The following TBC1D22A variants were observed in gnomAD, a reference collection of about 807,000 sequenced individuals.
TBC1D22A encodes TBC1 domain family member 22A.
Under a neutral mutation model 60.2 loss-of-function variants are expected in TBC1D22A, and 38 were observed. The observed-to-expected ratio is 0.63, with a 90% CI of 0.49 to 0.83. The LOEUF (loss-of-function observed/expected upper bound fraction) is 0.83. Ranked by LOEUF, TBC1D22A falls within the 40% of genes least tolerant of loss-of-function variation. The pLI is 0.00. For synonymous variants in TBC1D22A, 302 were observed against 281.7 expected, an observed-to-expected ratio of 1.07 and a Z score of -0.72; for missense variants, 628 against 701.0, an observed-to-expected ratio of 0.90 and a Z score of 1.18.
At position 46,975,464 on chromosome 22, in the gene TBC1D22A, C is replaced by T. The variant is rs1181498583; in HGVS notation, c.1125+1065C>T. 2.6e-5 allele frequency among the ~76,000 whole-genome samples: 4 copies of T among 152,122 alleles called. 1 individual carries two copies. The highest frequency in any genetic ancestry group is 3.9e-4 in the East Asian group (2 of 5,182). On this transcript the variant is annotated intron_variant, in intron 9 of 12. Transcript: ENST00000337137. ...GAGGGACCAAACACCAAGATCATCA[C>T]GGGTGTTCGCATGTAGATGGCTCTC...
chr22:47,103,354 G>T (rs1347252780), intron 11 of TBC1D22A, among the ~76,000 whole-genome samples: 7 of 152,186 alleles, frequency 4.6e-5, no homozygotes, highest in African/African-American at 1.7e-4. Flanking sequence ...CCCACTGCCT[G>T]GGAGAAAGGG....
At chr22:47,125,940 G>A (rs1457098862) in intron 12 of TBC1D22A, among the ~76,000 whole-genome samples, 2 of 152,214 alleles carry the variant, frequency 1.3e-5, no homozygotes, top group Admixed American at 6.5e-5. Flanking sequence ...CCCACTCAGA[G>A]CACGTGGGAA....
intron 4 of TBC1D22A, among the ~76,000 whole-genome samples, chr22:46,801,785 G>C (rs150023344): frequency 1.3e-5 from 2 of 152,224 alleles, no homozygotes; most frequent in Admixed American, 6.5e-5. Flanking sequence ...GCCAGGCCAC[G>C]GCTGTGTTCC....
intron 4 of TBC1D22A, among the ~76,000 whole-genome samples, chr22:46,855,583 G>A (rs1248516105): frequency 6.6e-6 from 1 of 152,172 alleles, no homozygotes; most frequent in Non-Finnish European, 1.5e-5. Flanking sequence ...AGTCAAGGTG[G>A]GATCCATGCC....
At chr22:46,986,142 A>C (rs1373869472) in intron 9 of TBC1D22A, among the ~76,000 whole-genome samples, 1 of 152,230 alleles carries the variant, frequency 6.6e-6, no homozygotes, top group Non-Finnish European at 1.5e-5. Flanking sequence ...CCTGGTGAAC[A>C]TAATGCCATT....
At chr22:47,154,311 G>A (rs948821030) in intron 12 of TBC1D22A, among the ~76,000 whole-genome samples, 2 of 152,200 alleles carry the variant, frequency 1.3e-5, no homozygotes, top group Non-Finnish European at 2.9e-5. Flanking sequence ...GTGAGTCTGA[G>A]CCATGAGTGA....
rs993553756 is a variant in TBC1D22A at position 47,052,614 on chromosome 22, G to A, written c.1329+15416G>A. On this transcript the variant is annotated intron_variant, in intron 11 of 12. Transcript: ENST00000337137. Reference sequence around the variant, plus strand: ...GTTGCACCAAGCTTCTCCGGGGATGGCCCTGTGCTTGCGGCAGCCACATCA... The same window carrying A: ...GTTGCACCAAGCTTCTCCGGGGATGACCCTGTGCTTGCGGCAGCCACATCA... Among the ~76,000 whole-genome samples, 4 of 152,196 alleles carry A rather than the reference G, an allele frequency of 2.6e-5. No homozygotes were observed. The South Asian group carries it at 6.2e-4, about 24-fold the overall frequency.
At chr22:47,027,292 C>T (rs1173211535) in intron 10 of TBC1D22A, among the ~76,000 whole-genome samples, 1 of 152,186 alleles carries the variant, frequency 6.6e-6, no homozygotes, top group East Asian at 1.9e-4. Context: ...CAAAATGAAT[C>T]AGAGACCTAT....
intron 11 of TBC1D22A, among the ~76,000 whole-genome samples, chr22:47,076,740 G>A (rs2064242486): frequency 6.6e-6 from 1 of 151,978 alleles, no homozygotes; most frequent in Non-Finnish European, 1.5e-5. Context: ...CATGTAACAG[G>A]TGGGGGAAAA....
intron 12 of TBC1D22A, among the ~76,000 whole-genome samples, chr22:47,148,336 T>TAA (rs59518138): frequency 5.2e-4 from 72 of 138,962 alleles, no homozygotes; most frequent in Admixed American, 5.7e-4. Context: ...CCAAAAGATG[T>TAA]AAAAAAAAAA....
At chr22:47,108,196 C>A (rs963367270) in intron 11 of TBC1D22A, among the ~76,000 whole-genome samples, 6 of 152,146 alleles carry the variant, frequency 3.9e-5, no homozygotes, top group African/African-American at 1.4e-4. Context: ...TGTTCTATTC[C>A]TAAGTATTTA....
intron 11 of TBC1D22A, among the ~76,000 whole-genome samples, chr22:47,088,107 A>G (rs1273794503): frequency 2.0e-5 from 3 of 148,176 alleles, no homozygotes; most frequent in African/African-American, 7.5e-5. Context: ...ATAAATTTAA[A>G]AAAGATTCAA....
chr22:46,850,705 G>A (rs934142721), intron 4 of TBC1D22A, among the ~76,000 whole-genome samples: 1 of 152,164 alleles, frequency 6.6e-6, no homozygotes, highest in African/African-American at 2.4e-5. Context: ...GTATATTCCC[G>A]AGAGAAATGA....
chr22:47,145,202 T>C (rs2067245047), intron 12 of TBC1D22A, among the ~76,000 whole-genome samples: 3 of 152,224 alleles, frequency 2.0e-5, no homozygotes, highest in Admixed American at 1.3e-4. Flanking sequence ...CTGCGTCTTC[T>C]GCCAAAGGTT....
At chr22:46,857,377 T>G (rs1354754400) in intron 4 of TBC1D22A, among the ~76,000 whole-genome samples, 2 of 152,214 alleles carry the variant, frequency 1.3e-5, no homozygotes, top group African/African-American at 4.8e-5. Flanking sequence ...AAGCCCATCA[T>G]CGCTGTAGTC....
At chr22:47,093,853 T>C (rs930182139) in intron 11 of TBC1D22A, among the ~76,000 whole-genome samples, 2 of 152,244 alleles carry the variant, frequency 1.3e-5, no homozygotes, top group African/African-American at 4.8e-5. Context: ...CACCAGGGGT[T>C]CTGTCTGGGT....
intron 8 of TBC1D22A, among the ~76,000 whole-genome samples, chr22:46,961,374 C>T (rs1178232730): frequency 1.3e-5 from 2 of 152,178 alleles, no homozygotes; most frequent in African/African-American, 4.8e-5. Context: ...CTGCCGCAGC[C>T]AGCTCAAAGA....
chr22:46,870,291 T>C (rs978360484), intron 4 of TBC1D22A, among the ~76,000 whole-genome samples: 2 of 152,232 alleles, frequency 1.3e-5, no homozygotes, highest in Admixed American at 6.5e-5. Context: ...TCTGCTCTCT[T>C]TAGAGTTAGT....
rs560996816 is a variant in TBC1D22A at position 47,050,445 on chromosome 22, G to A, written c.1329+13247G>A. Among the ~76,000 whole-genome samples the A allele has an allele frequency of 9.2e-5, 14 of 152,300 alleles. No individual in the cohort carries two copies. The South Asian group carries it at 2.1e-3, about 23-fold the overall frequency. ...TGCTATTTAATTCCAAAAGTTTCCC[G>A]TGTTTTTAGCAGCTGGCTGTGCTCT... On this transcript the variant is annotated intron_variant, in intron 11 of 12. Coordinates refer to ENST00000337137, the MANE Select transcript of TBC1D22A (RefSeq NM_014346.5).
Sources: allele counts gnomAD v4.1 joint callset (sites outside exome capture counted in the v4.1 genomes callset), GRCh38; gene constraint gnomAD v4.1.1; transcripts MANE v1.5; gene names NCBI Gene and HGNC (gene_info 2026-07-23, HGNC 2026-07-21).